Variants in GPR89B observed in about 807,000 individuals in gnomAD.
GPR89B encodes the protein G protein-coupled receptor 89B.
A neutral mutation model predicts 52.4 loss-of-function variants in GPR89B; 25 were observed. The ratio of observed to expected loss-of-function variants is 0.48; its 90% CI spans 0.35 to 0.67. GPR89B has a LOEUF of 0.67. Among genes scored for constraint, GPR89B ranks in the 30% least tolerant of loss-of-function variants. The probability of loss-of-function intolerance (pLI) is 0.01; values close to 1 mark genes in which losing one functional copy is unlikely to be tolerated. For synonymous variants in GPR89B, 52 were observed against 151.2 expected (o/e 0.34, Z 4.81); for missense variants, 146 against 450.2 (o/e 0.32, Z 6.11).
chr1:147,962,742 CA>C (rs1656691854), intron 7 of GPR89B, among the ~76,000 whole-genome samples: 2 of 151,346 alleles, frequency 1.3e-5, no homozygotes, highest in African/African-American at 2.4e-5. Flanking sequence ...ACTAAAAATA[CA>C]AAAAATTAGC....
chr1:147,950,800 G>A (rs2149055472), intron 5 of GPR89B, among the ~76,000 whole-genome samples: 1 of 152,300 alleles, frequency 6.6e-6, no homozygotes. Context: ...AGGCGTGGTG[G>A]CGCACGCCTG....
chr1:147,946,964 C>T (rs375416800), intron 5 of GPR89B, among the ~76,000 whole-genome samples: 6,706 of 152,042 alleles, frequency 0.044, 182 homozygotes, highest in African/African-American at 0.074. Flanking sequence ...TGAGAAGCAA[C>T]CAGCCTTACA....
At chr1:147,962,441 A>G (rs2149069402) in intron 7 of GPR89B, among the ~76,000 whole-genome samples, 1 of 149,164 alleles carries the variant, frequency 6.7e-6, no homozygotes, top group African/African-American at 2.5e-5. Flanking sequence ...AAAAAAAAAG[A>G]AAAGAAAAGA....
rs1276324689 is a variant in GPR89B at position 147,980,776 on chromosome 1, G to A, written c.910-5423G>A. ...GGAGCTTGCAGTGAGCCGAGATCCC[G>A]CCACTGCACTCCAGCCTGGGCGACA... On this transcript the variant is annotated intron_variant, in intron 10 of 13. Transcript: ENST00000314163. Among the ~76,000 whole-genome samples, 12 of 119,388 alleles carry A rather than the reference G, an allele frequency of 1.0e-4. No homozygotes were observed. In the East Asian group the frequency reaches 1.4e-3, roughly 14 times the overall value. The allele number at this position is 119,388 out of a possible 152,430, so 78.3% of individuals were successfully genotyped here.
chr1:148,017,463 G>C, the GPR89B span, among the ~76,000 whole-genome samples: 1 of 150,978 alleles, frequency 6.6e-6, no homozygotes, highest in African/African-American at 2.4e-5. Context: ...GGCCAGGCGC[G>C]GTGGTTCATG....
At chr1:147,951,835 G>T in intron 5 of GPR89B, among the ~76,000 whole-genome samples, 1 of 151,732 alleles carries the variant, frequency 6.6e-6, no homozygotes, top group East Asian at 1.9e-4. Context: ...GCCCAGAGAA[G>T]ATCAGAAGCA....
At chr1:148,017,792 AC>A in the GPR89B span, among the ~76,000 whole-genome samples, 1 of 150,538 alleles carries the variant, frequency 6.6e-6, no homozygotes, top group Non-Finnish European at 1.5e-5. Flanking sequence ...AACACCCCTC[AC>A]CCCCAAAGAA....
At chr1:147,985,953 C>T (rs1243338666) in intron 10 of GPR89B, among the ~76,000 whole-genome samples, 77 of 152,270 alleles carry the variant, frequency 5.1e-4, no homozygotes, top group African/African-American at 1.4e-3. Flanking sequence ...GGCATAATGC[C>T]GTAGCTTTAT....
intron 5 of GPR89B, among the ~76,000 whole-genome samples, chr1:147,944,451 A>G (rs1654795669): frequency 6.9e-6 from 1 of 145,472 alleles, no homozygotes; most frequent in Non-Finnish European, 1.5e-5. Flanking sequence ...CATATTGTAT[A>G]TGGAACTACA....
the GPR89B span, among the ~76,000 whole-genome samples, chr1:148,014,050 C>T: frequency 6.6e-6 from 1 of 151,176 alleles, no homozygotes; most frequent in Non-Finnish European, 1.5e-5. Context: ...GGTAGGAAAG[C>T]GACGTCTCCC....
At chr1:147,947,899 CAG>C (rs1391140401) in intron 5 of GPR89B, among the ~76,000 whole-genome samples, 2 of 151,980 alleles carry the variant, frequency 1.3e-5, no homozygotes, top group African/African-American at 2.4e-5. Flanking sequence ...AGTAGAATAA[CAG>C]AATTTAGGTG....
chr1:147,931,846 C>A lies in GPR89B; in HGVS notation c.42+3268C>A, dbSNP rs143793882. Among the ~76,000 whole-genome samples the A allele has an allele frequency of 8.0e-3, 1,204 of 151,024 alleles. 23 individuals are homozygous for A. The highest frequency in any genetic ancestry group is 0.047 in the East Asian group (241 of 5,132). ...GTGAGAACATGTGGTATTTGGTTTT[C>A]TGTTCTTGGGTTAATTTGCTTAGGA... On this transcript the variant is annotated intron_variant, in intron 1 of 13. Transcript: ENST00000314163.
At chr1:147,987,795 C>G (rs1658775324) in intron 11 of GPR89B, among the ~76,000 whole-genome samples, 1 of 150,914 alleles carries the variant, frequency 6.6e-6, no homozygotes, top group Non-Finnish European at 1.5e-5. Context: ...CACTATGAAG[C>G]AATACAGGAG....
intron 5 of GPR89B, among the ~76,000 whole-genome samples, chr1:147,945,595 C>T (rs139272478): frequency 0.016 from 2,440 of 152,158 alleles, 33 homozygotes; most frequent in Non-Finnish European, 0.024. Flanking sequence ...CATTAAAGGC[C>T]GGAAAACTTA....
chr1:148,003,188 AAAG>A, the GPR89B span, among the ~76,000 whole-genome samples: 1 of 152,204 alleles, frequency 6.6e-6, no homozygotes, highest in Non-Finnish European at 1.5e-5. Flanking sequence ...CAGAGAGTGA[AAAG>A]AAAATAACAA....
At chr1:147,979,816 T>C (rs1658104463) in intron 10 of GPR89B, among the ~76,000 whole-genome samples, 1 of 152,026 alleles carries the variant, frequency 6.6e-6, no homozygotes, top group Non-Finnish European at 1.5e-5. Context: ...TGTCTGAGCA[T>C]GTTGGCTCAC....
downstream of GPR89B, among the ~76,000 whole-genome samples, chr1:147,998,524 C>A (rs1353360698): frequency 6.6e-6 from 1 of 152,058 alleles, no homozygotes; most frequent in Non-Finnish European, 1.5e-5. Flanking sequence ...CCCAAACAAG[C>A]AAACCAACTG....
At chr1:147,946,948 A>G (rs1414867008) in intron 5 of GPR89B, among the ~76,000 whole-genome samples, 2 of 152,180 alleles carry the variant, frequency 1.3e-5, no homozygotes, top group African/African-American at 4.8e-5. Flanking sequence ...AAGTTTAGGT[A>G]GTAGCTGAGA....
intron 1 of GPR89B, among the ~76,000 whole-genome samples, chr1:147,931,465 T>C (rs1653598582): frequency 6.6e-6 from 1 of 152,208 alleles, no homozygotes; most frequent in Non-Finnish European, 1.5e-5. Context: ...TGCAAAGCTA[T>C]TTGAAATTGC....
Sources: gnomAD v4.1 joint callset for allele counts (sites outside exome capture counted in the v4.1 genomes callset) on GRCh38, gnomAD v4.1.1 for gene constraint, MANE v1.5 for transcripts, NCBI Gene and HGNC (gene_info 2026-07-23, HGNC 2026-07-21) for gene names.